INPP5F: variants seen among roughly 807,000 people sequenced by gnomAD.
INPP5F encodes inositol polyphosphate-5-phosphatase F.
A neutral mutation model predicts 137.2 loss-of-function variants in INPP5F; 97 were observed. That is an observed-to-expected ratio of 0.71 (90% CI 0.60 to 0.84). The LOEUF (loss-of-function observed/expected upper bound fraction) is 0.84, where lower values mean the gene tolerates loss of function less well. INPP5F is among the 40% of genes least tolerant of loss of function. The pLI is 0.00. For missense variants in INPP5F, 1,271 were observed against 1,371.9 expected (o/e 0.93, Z 1.16); for synonymous variants, 504 against 476.9 (o/e 1.06, Z -0.74).
In INPP5F at chr10:119,781,660, T is replaced by A. The variant is rs1371297882; in HGVS notation, c.204T>A (p.Ile68=). 1 of 1,611,452 alleles carries A rather than the reference T, an allele frequency of 6.2e-7. No homozygotes were observed. ...ATCTTCCATGGTGGCTTATTCTAAT[T>A]CGGCAGAAAGCATTGGTGGGCAAAC... ...HSDLPWWLIL[I]RQKALVGKLP... Residue 68 remains isoleucine, a synonymous_variant, in exon 3 of 20, where the codon ATT becomes ATA. Coordinates refer to ENST00000650623, the MANE Select transcript of INPP5F (RefSeq NM_014937.4).
intron 1 of INPP5F, among the ~76,000 whole-genome samples, chr10:119,729,480 G>A (rs1328539860): frequency 2.0e-5 from 3 of 151,974 alleles, no homozygotes; most frequent in Non-Finnish European, 4.4e-5. Flanking sequence ...TATTTTAATT[G>A]GAGTGGAAAA....
chr10:119,737,462 G>A lies in INPP5F; in HGVS notation c.97+11103G>A, dbSNP rs189483327. 1.8e-3 allele frequency among the ~76,000 whole-genome samples: 279 copies of A among 152,214 alleles called. 1 individual carries two copies. The highest frequency in any genetic ancestry group is 6.5e-3 in the African/African-American group (270 of 41,530). On this transcript the variant is annotated intron_variant, in intron 1 of 19. Coordinates refer to ENST00000650623, the MANE Select transcript of INPP5F (RefSeq NM_014937.4). The stretch of plus-strand genomic sequence containing the variant: ...TAAAGAATACCTATTCCAGGGCCCC[G>A]CCCTAACCAATTGAGACCATCTCTG...
chr10:119,821,520 A>G (rs1778793228), intron 16 of INPP5F, among the ~76,000 whole-genome samples: 1 of 152,176 alleles, frequency 6.6e-6, no homozygotes, highest in South Asian at 2.1e-4. Flanking sequence ...TCTAATTTGT[A>G]TTTACTAAGT....
intron 9 of INPP5F, among the ~76,000 whole-genome samples, chr10:119,800,535 G>A (rs1391596792): frequency 1.4e-5 from 2 of 146,840 alleles, no homozygotes; most frequent in Non-Finnish European, 3.0e-5. Context: ...ACTCCTGGAC[G>A]ACAGAGTGAG....
chr10:119,796,697 T>C lies in INPP5F; in HGVS notation c.670-18T>C, dbSNP rs766816219. Reference sequence around the variant, plus strand: ...GCTGTACAGAATAGAAACGATATCATGTTCATTTTGTTTTCAGACTCCAGA... The same window carrying C: ...GCTGTACAGAATAGAAACGATATCACGTTCATTTTGTTTTCAGACTCCAGA... On this transcript the variant is annotated intron_variant, in intron 6 of 19. Coordinates refer to ENST00000650623, the MANE Select transcript of INPP5F (RefSeq NM_014937.4). 11 of 1,591,828 alleles carry C rather than the reference T, an allele frequency of 6.9e-6. No individual in the cohort carries two copies. Among genetic ancestry groups the C allele is most frequent in the Non-Finnish European group, 9.5e-6 (11 of 1,159,494 alleles).
chr10:119,780,204 A>C (rs1376321691), intron 2 of INPP5F, among the ~76,000 whole-genome samples: 1 of 152,120 alleles, frequency 6.6e-6, no homozygotes, highest in Admixed American at 6.5e-5. Flanking sequence ...GACTGTATAG[A>C]TATATATCAC....
intron 3 of INPP5F, among the ~76,000 whole-genome samples, chr10:119,784,259 A>C (rs1849802511): frequency 6.6e-6 from 1 of 152,246 alleles, no homozygotes; most frequent in Non-Finnish European, 1.5e-5. Flanking sequence ...CTCCACTTGG[A>C]AATAATTGTT....
intron 1 of INPP5F, among the ~76,000 whole-genome samples, chr10:119,730,479 G>C (rs1021544630): frequency 6.6e-5 from 10 of 152,198 alleles, no homozygotes; most frequent in African/African-American, 2.4e-4. Flanking sequence ...TCTGAGAGTA[G>C]AGTCTAATAT....
rs187256832 is a variant in INPP5F at position 119,749,193 on chromosome 10, C to T, written c.98-1883C>T. ...AGCCTGTGGGGAAAGAGGGTCTTCC[C>T]GGGTAGCTGAGAGTACAGGAATGCC... On this transcript the variant is annotated intron_variant, in intron 1 of 19. Coordinates refer to ENST00000650623, the MANE Select transcript of INPP5F (RefSeq NM_014937.4). Among the ~76,000 whole-genome samples, 109 of 152,264 alleles carry T rather than the reference C, an allele frequency of 7.2e-4. 2 individuals carry two copies. The highest frequency in any genetic ancestry group is 4.1e-4 in the Non-Finnish European group (28 of 68,004).
intron 1 of INPP5F, among the ~76,000 whole-genome samples, chr10:119,730,307 G>A (rs1258550606): frequency 6.6e-6 from 1 of 152,098 alleles, no homozygotes; most frequent in Non-Finnish European, 1.5e-5. Context: ...ACAGGGTTTT[G>A]CCATGTTGGC....
At chr10:119,757,512 G>A (rs999249818) in intron 2 of INPP5F, among the ~76,000 whole-genome samples, 5 of 152,058 alleles carry the variant, frequency 3.3e-5, no homozygotes, top group South Asian at 4.2e-4. Flanking sequence ...AGTCAAGGCC[G>A]GGCATGTGGT....
At chr10:119,771,215 C>T (rs1849323695) in intron 2 of INPP5F, among the ~76,000 whole-genome samples, 1 of 152,142 alleles carries the variant, frequency 6.6e-6, no homozygotes, top group Non-Finnish European at 1.5e-5. Context: ...ACAATATGTG[C>T]ACCTTTGTGA....
intron 3 of INPP5F, among the ~76,000 whole-genome samples, chr10:119,789,157 G>A (rs1255454260): frequency 2.0e-5 from 3 of 151,768 alleles, no homozygotes; most frequent in East Asian, 1.9e-4. Context: ...CCCAGGAGAC[G>A]GAGGTTGTGG....
chr10:119,749,092 G>C (rs1206483807), intron 1 of INPP5F, among the ~76,000 whole-genome samples: 2 of 152,258 alleles, frequency 1.3e-5, no homozygotes, highest in Admixed American at 1.3e-4. Context: ...CCCCAGGCTC[G>C]GCCACAACTT....
At position 119,828,038 on chromosome 10, in the gene INPP5F, C is replaced by T. The variant is rs970805400; in HGVS notation, c.*258C>T. On this transcript the variant is annotated 3_prime_UTR_variant, in exon 20 of 20. Transcript: ENST00000650623. ...TGCTTATTTGAAAGTAATTCAGCAA[C>T]AGGTCACTTTGGGATATAACCTGAA... is the stretch of plus-strand genomic sequence containing the variant. The T allele has an allele frequency of 6.0e-6, 2 of 331,906 alleles. No individual in the cohort carries two copies. The highest frequency in any genetic ancestry group is 2.2e-5 in the African/African-American group (1 of 46,308). 20.6% of individuals were successfully genotyped at this position (331,906 alleles called of 1,614,324 possible).
At chr10:119,798,336 G>T (rs1371198892) in intron 8 of INPP5F, among the ~76,000 whole-genome samples, 3 of 151,942 alleles carry the variant, frequency 2.0e-5, no homozygotes, top group African/African-American at 7.3e-5. Flanking sequence ...GTCATAGTTT[G>T]CACTTTCAGA....
chr10:119,798,694 C>A, intron 9 of INPP5F, 84 bp downstream of exon 9: 1 of 822,146 alleles, frequency 1.2e-6, no homozygotes, highest in Non-Finnish European at 1.9e-6. Context: ...TAACATTGTA[C>A]TATTCAAAAT....
Position 119,806,892 on chromosome 10 carries a change from G to C in INPP5F, c.1440+412G>C, listed in dbSNP as rs373979789. Among the ~76,000 whole-genome samples the C allele has an allele frequency of 7.2e-5, 11 of 151,784 alleles. No homozygotes were observed. In the East Asian group the frequency reaches 2.1e-3, roughly 29 times the overall value. On this transcript the variant is annotated intron_variant, in intron 12 of 19. Coordinates refer to ENST00000650623, the MANE Select transcript of INPP5F (RefSeq NM_014937.4). ...AGCTGCTGACGGGAGGAACACAGGTGAAGGAGCCTGTGTCTTTTTCTTCCT... is the reference window on the plus strand; with the variant it reads ...AGCTGCTGACGGGAGGAACACAGGTCAAGGAGCCTGTGTCTTTTTCTTCCT...
chr10:119,789,371 A>G, intron 3 of INPP5F, among the ~76,000 whole-genome samples: 1 of 152,314 alleles, frequency 6.6e-6, no homozygotes, highest in Non-Finnish European at 1.5e-5. Flanking sequence ...GATATTTTAT[A>G]TAAAAATTGC....
Sources: allele counts gnomAD v4.1 joint callset (sites outside exome capture counted in the v4.1 genomes callset), GRCh38; gene constraint gnomAD v4.1.1; transcripts MANE v1.5; gene names NCBI Gene and HGNC (gene_info 2026-07-23, HGNC 2026-07-21).